Variants in IQCM observed in about 807,000 individuals in gnomAD.
The protein encoded by IQCM is IQ domain-containing protein M.
A neutral mutation model predicts 57.6 loss-of-function variants in IQCM; 45 were observed. That is an observed-to-expected ratio of 0.78 (90% confidence interval 0.62 to 1.00). The LOEUF is 1.00. Ranked by LOEUF, IQCM falls within the 50% of genes least tolerant of loss-of-function variation. The pLI is 0.00. For missense variants in IQCM, 468 were observed against 511.6 expected (o/e 0.91, Z 0.82); for synonymous variants, 148 against 158.9 (o/e 0.93, Z 0.51).
At chr4:149,798,392 A>G (rs1280415911) in intron 2 of IQCM, among the ~76,000 whole-genome samples, 1 of 152,042 alleles carries the variant, frequency 6.6e-6, no homozygotes, top group African/African-American at 2.4e-5. Context: ...ACCAGAGAAA[A>G]TCACCTTCAC....
At chr4:149,813,257 T>C (rs887840457) in intron 2 of IQCM, among the ~76,000 whole-genome samples, 1 of 152,108 alleles carries the variant, frequency 6.6e-6, no homozygotes, top group Non-Finnish European at 1.5e-5. Context: ...CTGAAAGAGG[T>C]TGTCAGTTTC....
In IQCM at chr4:149,794,249, T is replaced by C. The variant is rs113315590; in HGVS notation, c.-49+21062A>G. 7.5e-3 allele frequency among the ~76,000 whole-genome samples: 1,150 copies of C among 152,326 alleles called. 22 individuals carry two copies. Among genetic ancestry groups the C allele is most frequent in the African/African-American group, 0.026 (1,101 of 41,576 alleles). On this transcript the variant is annotated intron_variant, in intron 2 of 13. Coordinates refer to ENST00000636793, the MANE Select transcript of IQCM (RefSeq NM_001363507.2). ...ACTACTGAACAGCTGGATAAATCCCTCCCACATTTTCACTTTCAGACAACT... is the reference window on the plus strand; with the variant it reads ...ACTACTGAACAGCTGGATAAATCCCCCCCACATTTTCACTTTCAGACAACT...
At chr4:149,739,659 T>A (rs1013385015) in intron 3 of IQCM, among the ~76,000 whole-genome samples, 2 of 152,078 alleles carry the variant, frequency 1.3e-5, no homozygotes, top group African/African-American at 2.4e-5. Context: ...TAGTAAGTCA[T>A]TACAAGTAAT....
intron 2 of IQCM, among the ~76,000 whole-genome samples, chr4:149,772,473 T>C (rs1770680181): frequency 6.6e-6 from 1 of 152,288 alleles, no homozygotes; most frequent in South Asian, 2.1e-4. Context: ...ATAATTATTA[T>C]GGGTCATATA....
chr4:149,738,228 A>G (rs570935491), intron 3 of IQCM, among the ~76,000 whole-genome samples: 1 of 152,278 alleles, frequency 6.6e-6, no homozygotes, highest in African/African-American at 2.4e-5. Flanking sequence ...TCCCAGTGCC[A>G]TGTACACCTC....
At chr4:149,560,751 G>A (rs1336693555) in intron 10 of IQCM, among the ~76,000 whole-genome samples, 1 of 152,270 alleles carries the variant, frequency 6.6e-6, no homozygotes, top group Non-Finnish European at 1.5e-5. Flanking sequence ...AATGGAAATT[G>A]TACAGTCTCT....
At chr4:149,774,638 C>T (rs1329720451) in intron 2 of IQCM, among the ~76,000 whole-genome samples, 1 of 152,010 alleles carries the variant, frequency 6.6e-6, no homozygotes, top group Non-Finnish European at 1.5e-5. Context: ...ATATACCTGG[C>T]TGGAGTCTGC....
intron 13 of IQCM, among the ~76,000 whole-genome samples, chr4:149,423,652 A>T (rs1579011020): frequency 6.6e-6 from 1 of 152,092 alleles, no homozygotes; most frequent in East Asian, 1.9e-4. Flanking sequence ...GTTTTACATC[A>T]CTCATCACTG....
chr4:149,621,301 G>A (rs1756312660), intron 7 of IQCM, 57 bp from the exon 8 acceptor site: 2 of 741,156 alleles, frequency 2.7e-6, no homozygotes, highest in Admixed American at 8.7e-5. Flanking sequence ...AGTACACACT[G>A]ATTATATTGC....
At chr4:149,744,060 G>T (rs1767701749) in intron 2 of IQCM, among the ~76,000 whole-genome samples, 1 of 152,162 alleles carries the variant, frequency 6.6e-6, no homozygotes, top group Non-Finnish European at 1.5e-5. Context: ...AGCCAGCTTT[G>T]CCCTATGAAA....
chr4:149,507,266 G>A (rs763900951), intron 12 of IQCM, among the ~76,000 whole-genome samples: 9 of 152,310 alleles, frequency 5.9e-5, no homozygotes, highest in African/African-American at 1.7e-4. Flanking sequence ...AGAGTGAGGC[G>A]CTGCTGGAAA....
At chr4:149,625,082 A>G (rs1228950117) in intron 7 of IQCM, among the ~76,000 whole-genome samples, 1 of 152,236 alleles carries the variant, frequency 6.6e-6, no homozygotes, top group African/African-American at 2.4e-5. Flanking sequence ...TATATAATTA[A>G]AAGGGGTGGC....
intron 8 of IQCM, among the ~76,000 whole-genome samples, chr4:149,596,505 G>A (rs978057141): frequency 6.6e-6 from 1 of 152,004 alleles, no homozygotes; most frequent in Non-Finnish European, 1.5e-5. Context: ...TTGGAACCCA[G>A]AGTACCAAGG....
At chr4:149,563,114 C>T (rs1041244785) in intron 10 of IQCM, among the ~76,000 whole-genome samples, 3 of 151,994 alleles carry the variant, frequency 2.0e-5, no homozygotes, top group African/African-American at 4.8e-5. Context: ...ATCAGGATTG[C>T]GATCTATGAA....
intron 12 of IQCM, among the ~76,000 whole-genome samples, chr4:149,504,362 TTAA>T (rs894241650): frequency 7.4e-4 from 112 of 152,292 alleles, no homozygotes; most frequent in African/African-American, 2.5e-3. Flanking sequence ...ATTTATTCAC[TTAA>T]TAAATATTTA....
chr4:149,739,632 A>C (rs1767268731), intron 3 of IQCM, among the ~76,000 whole-genome samples: 1 of 152,096 alleles, frequency 6.6e-6, no homozygotes, highest in Non-Finnish European at 1.5e-5. Flanking sequence ...TCATGTTATT[A>C]AAGTTCCCAA....
chr4:149,704,933 G>T (rs1764044837), intron 5 of IQCM, among the ~76,000 whole-genome samples: 1 of 151,582 alleles, frequency 6.6e-6, no homozygotes, highest in African/African-American at 2.4e-5. Context: ...ATCTTCTTTT[G>T]CCCTTAGACA....
chr4:149,593,977 G>A (rs1753494130), intron 8 of IQCM, among the ~76,000 whole-genome samples: 1 of 152,192 alleles, frequency 6.6e-6, no homozygotes, highest in South Asian at 2.1e-4. Context: ...CTCATCAAAT[G>A]AGTTAGGGAG....
At chr4:149,738,810 A>G (rs1378288393) in intron 3 of IQCM, among the ~76,000 whole-genome samples, 1 of 152,192 alleles carries the variant, frequency 6.6e-6, no homozygotes, top group Admixed American at 6.5e-5. Flanking sequence ...ATTTTCTACC[A>G]TCACTAAAAA....
Sources: gnomAD v4.1 joint callset for allele counts (sites outside exome capture counted in the v4.1 genomes callset) on GRCh38, gnomAD v4.1.1 for gene constraint, MANE v1.5 for transcripts, NCBI Gene and HGNC (gene_info 2026-07-23, HGNC 2026-07-21) for gene names.